Variants in ZBTB47 observed in about 807,000 individuals in gnomAD.
ZBTB47 encodes zinc finger and BTB domain-containing protein 47.
A neutral mutation model predicts 56.6 loss-of-function variants in ZBTB47; 24 were observed. The observed-to-expected ratio is 0.42, with a 90% CI of 0.31 to 0.60. The LOEUF is 0.60. Ranked by LOEUF, ZBTB47 falls within the 20% of genes least tolerant of loss-of-function variation. The pLI, the probability that ZBTB47 is intolerant of heterozygous loss-of-function variation, is 0.14. For synonymous variants in ZBTB47, 414 were observed against 418.9 expected (o/e 0.99, Z 0.14); for missense variants, 829 against 1,032.6 (o/e 0.80, Z 2.70).
chr3:42,656,398 C>T lies in ZBTB47; in HGVS notation c.-81-1877C>T, dbSNP rs865894893. Among the ~76,000 whole-genome samples the T allele has an allele frequency of 1.3e-5, 2 of 152,138 alleles. No individual in the cohort carries two copies. Among genetic ancestry groups the T allele is most frequent in the East Asian group, 3.9e-4 (2 of 5,180 alleles). On this transcript the variant is annotated intron_variant, in intron 1 of 5. Coordinates refer to ENST00000232974, the MANE Select transcript of ZBTB47 (RefSeq NM_145166.4). This position sits in a 1 kb window ranked among gnomAD's most constrained non-coding sequence, Gnocchi z 5.8. ...ACTGTGGAACCCTCTCATTCTGAGC[C>T]TCGGTTTCTCCATCTGTGTAGTAGG...
rs2125839984 is a variant in ZBTB47 at position 42,666,160 on chromosome 3, G to A, written c.*1562G>A. ...GAAGCACTTTATTCTGTACAGATTT[G>A]GGCAGGCCCAAGGTGCCCGAGTGAT... On this transcript the variant is annotated 3_prime_UTR_variant, in exon 6 of 6. Coordinates refer to ENST00000232974, the MANE Select transcript of ZBTB47 (RefSeq NM_145166.4). Among the ~76,000 whole-genome samples the A allele has an allele frequency of 6.6e-6, 1 of 152,316 alleles. No homozygotes were observed. Among genetic ancestry groups the A allele is most frequent in the East Asian group, 1.9e-4 (1 of 5,178 alleles).
rs976429197 is a variant in ZBTB47 at position 42,664,629 on chromosome 3, G to A, written c.*31G>A. The A allele has an allele frequency of 7.2e-7, 1 of 1,396,694 alleles. No individual in the cohort carries two copies. The highest frequency in any genetic ancestry group is 1.6e-5 in the South Asian group (1 of 61,874). 86.5% of individuals were successfully genotyped at this position (1,396,694 alleles called of 1,614,324 possible). A position where few individuals can be genotyped will look rare whatever the true frequency, so the allele number is the denominator to read the frequency against. On this transcript the variant is annotated 3_prime_UTR_variant, in exon 6 of 6. Coordinates refer to ENST00000232974, the MANE Select transcript of ZBTB47 (RefSeq NM_145166.4). ...GAGCTGCACCCGTGCACCCGCTGGG[G>A]CCTGGAGTCAGGGCCCACTCCAGGA...
Position 42,654,227 on chromosome 3 carries a change from A to C in ZBTB47, c.-82+344A>C, listed in dbSNP as rs1309690330. The C allele has an allele frequency of 6.7e-6, 1 of 150,096 alleles. No homozygotes were observed. Among genetic ancestry groups the C allele is most frequent in the Admixed American group, 6.6e-5 (1 of 15,174 alleles). The allele number at this position is 150,096 out of a possible 1,614,324, so 9.3% of individuals were successfully genotyped here. On this transcript the variant is annotated intron_variant, in intron 1 of 5. Transcript: ENST00000232974. This position sits in a 1 kb window ranked among gnomAD's most constrained non-coding sequence, Gnocchi z 5.0. ...TTGACTCCCGGACGAACTTCCCGGCAGAAAGGAGGCTCAGCACGGGAGGGT... is the reference window on the plus strand; with the variant it reads ...TTGACTCCCGGACGAACTTCCCGGCCGAAAGGAGGCTCAGCACGGGAGGGT...
At chr3:42,653,168 G>A (rs747143788), upstream of ZBTB47, among the ~76,000 whole-genome samples, 1 of 152,164 alleles carries the variant, frequency 6.6e-6, no homozygotes, top group Non-Finnish European at 1.5e-5. Flanking sequence ...GAGTGGGGGT[G>A]GGGGAGGAGG....
In ZBTB47 at chr3:42,659,144, C is replaced by T. The variant is rs1021406112; in HGVS notation, c.789C>T (p.Thr263=). 44 of 1,507,304 alleles carry T rather than the reference C, an allele frequency of 2.9e-5. No homozygotes were observed. The highest frequency in any genetic ancestry group is 3.4e-5 in the Non-Finnish European group (38 of 1,131,566). 93.4% of individuals were successfully genotyped at this position (1,507,304 alleles called of 1,614,324 possible). A position where few individuals can be genotyped will look rare whatever the true frequency, so the allele number is the denominator to read the frequency against. ...GKPGAGPSPA[T]VVLGREDGLQ... Reference sequence around the variant, plus strand: ...CAGGTGCCGGGCCAAGCCCAGCCACCGTGGTTCTGGGCCGGGAGGACGGGC... The same window carrying T: ...CAGGTGCCGGGCCAAGCCCAGCCACTGTGGTTCTGGGCCGGGAGGACGGGC... The change falls in exon 2 of 6, where the codon ACC becomes ACT. Residue 263 remains threonine, a synonymous_variant. Transcript: ENST00000232974.
At chr3:42,662,231 C>T (rs557035312) in intron 3 of ZBTB47, among the ~76,000 whole-genome samples, 1 of 152,312 alleles carries the variant, frequency 6.6e-6, no homozygotes, top group East Asian at 1.9e-4. Flanking sequence ...CTTCCTTGCC[C>T]GCTCCAAGTC....
rs564229347 is a variant in ZBTB47 at position 42,658,592 on chromosome 3, G to A, written c.237G>A (p.Leu79=). Residue 79 remains leucine, a synonymous_variant, in exon 2 of 6, where the codon CTG becomes CTA. Coordinates refer to ENST00000232974, the MANE Select transcript of ZBTB47 (RefSeq NM_145166.4). ...TCAACTTCATCTATACGTCCAAGCT[G>A]CTGGTCAACGCGGCCAACGTCCACG... is the stretch of plus-strand genomic sequence containing the variant. ...QILNFIYTSK[L]LVNAANVHEV... is the part of the protein sequence containing the mutation. The A allele has an allele frequency of 1.3e-6, 2 of 1,536,964 alleles. No homozygotes were observed. Among genetic ancestry groups the A allele is most frequent in the East Asian group, 2.4e-5 (1 of 40,920 alleles).
chr3:42,659,342 G>A lies in ZBTB47; in HGVS notation c.987G>A (p.Glu329=). 1 of 1,464,294 alleles carries A rather than the reference G, an allele frequency of 6.8e-7. No individual in the cohort carries two copies. The highest frequency in any genetic ancestry group is 9.2e-7 in the Non-Finnish European group (1 of 1,092,498). The allele number at this position is 1,464,294 out of a possible 1,614,324, so 90.7% of individuals were successfully genotyped here. Residue 329 remains glutamate, a synonymous_variant, in exon 2 of 6, where the codon GAG becomes GAA. Transcript: ENST00000232974. The part of the protein sequence containing the change: ...EDGHSEQEEE[E]EEEEEEGPSE... ...GGCACAGTGAGCAGGAAGAGGAAGA[G>A]GAGGAGGAAGAGGAGGAAGGGCCTA... is the stretch of plus-strand genomic sequence containing the variant.
intron 5 of ZBTB47, 77 bp from the exon 6 acceptor site, chr3:42,664,160 T>C (rs1577629792): frequency 1.9e-6 from 3 of 1,573,042 alleles, no homozygotes; most frequent in East Asian, 2.3e-5. Flanking sequence ...TATGGCTCCA[T>C]GGGAGACGGA....
At position 42,664,378 on chromosome 3, in the gene ZBTB47, T is replaced by C; in HGVS notation, c.2024T>C (p.Leu675Pro). The C allele has an allele frequency of 6.2e-7, 1 of 1,607,090 alleles. No homozygotes were observed. Among genetic ancestry groups the C allele is most frequent in the Non-Finnish European group, 8.5e-7 (1 of 1,177,226 alleles). Reference protein sequence around the residue: ...CGQRFRFSNMLKAHKEKCFRV... With the variant: ...CGQRFRFSNMPKAHKEKCFRV... ...CAGCGCTTCCGCTTCTCCAACATGC[T>C]CAAGGCCCACAAGGAGAAGTGCTTC... Residue 675 changes from leucine to proline, a missense_variant, in exon 6 of 6, where the codon CTC becomes CCC. Leu to Pro is a moderately conservative substitution (Grantham distance 98). This residue lies in a region of ZBTB47 where 115 missense variants were observed against 117.2 expected (regional missense o/e 0.98). Coordinates refer to ENST00000232974, the MANE Select transcript of ZBTB47 (RefSeq NM_145166.4).
rs1710668158 is a variant in ZBTB47, at chr3:42,658,632, G to A, written c.277G>A (p.Ala93Thr). Reference sequence around the variant, plus strand: ...CAACGTCCACGAGGTGCTCAGCGCCGCCTCATTGCTGCAGATGGCTGACAT... The same window carrying A: ...CAACGTCCACGAGGTGCTCAGCGCCACCTCATTGCTGCAGATGGCTGACAT... ...AANVHEVLSA[A>T]SLLQMADIAA... The change falls in exon 2 of 6, where the codon GCC becomes ACC. Residue 93 changes from alanine (A) to threonine (T), a missense_variant. Physicochemically the swap from Ala to Thr is moderately conservative, Grantham distance 58. Transcript: ENST00000232974. 4 of 1,536,886 alleles carry A rather than the reference G, an allele frequency of 2.6e-6. No homozygotes were observed. The highest frequency in any genetic ancestry group is 2.6e-6 in the Non-Finnish European group (3 of 1,146,924).
At position 42,656,560 on chromosome 3, in the gene ZBTB47, G is replaced by A. The variant is rs75531310; in HGVS notation, c.-81-1715G>A. 8.1e-3 allele frequency among the ~76,000 whole-genome samples: 1,232 copies of A among 152,278 alleles called. 10 individuals are homozygous for A. Among genetic ancestry groups the A allele is most frequent in the Non-Finnish European group, 0.013 (854 of 68,006 alleles). On this transcript the variant is annotated intron_variant, in intron 1 of 5. Transcript: ENST00000232974. This position sits in a 1 kb window ranked among gnomAD's most constrained non-coding sequence, Gnocchi z 5.8. ...TGGATGGCTTCTTGGCTGGGGTAAGGGGTGTAGTGGAGAACTCAAGGAAGA... is the reference window on the plus strand; with the variant it reads ...TGGATGGCTTCTTGGCTGGGGTAAGAGGTGTAGTGGAGAACTCAAGGAAGA...
rs1710670915 is a variant in ZBTB47 at position 42,658,837 on chromosome 3, A to C, written c.482A>C (p.Asp161Ala). The C allele has an allele frequency of 6.5e-7, 1 of 1,532,848 alleles. No homozygotes were observed. Among genetic ancestry groups the C allele is most frequent in the African/African-American group, 1.4e-5 (1 of 72,942 alleles). The allele number at this position is 1,532,848 out of a possible 1,614,324, so 95.0% of individuals were successfully genotyped here. A position where few individuals can be genotyped will look rare whatever the true frequency, so the allele number is the denominator to read the frequency against. Residue 161 changes from aspartate (D) to alanine (A), a missense_variant, in exon 2 of 6, where the codon GAC becomes GCC. This residue lies in a region of ZBTB47 where 359 missense variants were observed against 359.8 expected (regional missense o/e 1.00). Transcript: ENST00000232974. ...LPKIYAREGP[D>A]PYSVRVEDGA... ...AAGATCTATGCCCGCGAGGGCCCTGACCCTTACTCGGTGCGTGTTGAGGAC... is the reference window on the plus strand; with the variant it reads ...AAGATCTATGCCCGCGAGGGCCCTGCCCCTTACTCGGTGCGTGTTGAGGAC...
In ZBTB47 at chr3:42,663,785, C is replaced by T. The variant is rs1710749337; in HGVS notation, c.1738-12C>T. 6.2e-7 allele frequency: 1 copy of T among 1,612,642 alleles called. No individual in the cohort carries two copies. The highest frequency in any genetic ancestry group is 8.5e-7 in the Non-Finnish European group (1 of 1,179,014). On this transcript the variant is annotated splice_polypyrimidine_tract_variant and intron_variant, in intron 4 of 5. Coordinates refer to ENST00000232974, the MANE Select transcript of ZBTB47 (RefSeq NM_145166.4). This position sits in a 1 kb window ranked among gnomAD's most constrained non-coding sequence, Gnocchi z 5.1. ...TCTGTGCCTGGGCCTCACCCCCAAA[C>T]CCCACCCCCAGAACTGCAATGAGCG...
chr3:42,662,204 T>A (rs777674961), intron 3 of ZBTB47, among the ~76,000 whole-genome samples: 3 of 152,156 alleles, frequency 2.0e-5, no homozygotes, highest in Non-Finnish European at 2.9e-5. Context: ...CAGAGCCTCA[T>A]GTCCCTACAG....
rs1176203492 is a variant in ZBTB47 at position 42,654,168 on chromosome 3, C to T, written c.-82+285C>T. ...TTCACGGCAGCTTCCTATCCTGGCT[C>T]CCCCTCCGTGGCGCAACCGGAGGGC... On this transcript the variant is annotated intron_variant, in intron 1 of 5. Coordinates refer to ENST00000232974, the MANE Select transcript of ZBTB47 (RefSeq NM_145166.4). This position sits in a 1 kb window ranked among gnomAD's most constrained non-coding sequence, Gnocchi z 5.0. 6.6e-6 allele frequency: 1 copy of T among 152,104 alleles called. No homozygotes were observed. Among genetic ancestry groups the T allele is most frequent in the Non-Finnish European group, 1.5e-5 (1 of 68,006 alleles). The allele number at this position is 152,104 out of a possible 1,614,324, so 9.4% of individuals were successfully genotyped here. A position where few individuals can be genotyped will look rare whatever the true frequency, so the allele number is the denominator to read the frequency against.
At position 42,659,669 on chromosome 3, in the gene ZBTB47, C is replaced by T; in HGVS notation, c.1314C>T (p.Cys438=). The part of the protein sequence containing the change: ...VKLEEKQHHP[C]QKCPRVFNNR... Reference sequence around the variant, plus strand: ...TGGAGGAGAAGCAGCACCATCCATGCCAGAAGTGCCCACGAGTTTTCAACA... The same window carrying T: ...TGGAGGAGAAGCAGCACCATCCATGTCAGAAGTGCCCACGAGTTTTCAACA... The change falls in exon 2 of 6, where the codon TGC becomes TGT. Residue 438 remains cysteine (C), a synonymous_variant. Transcript: ENST00000232974. 1.2e-6 allele frequency: 2 copies of T among 1,612,580 alleles called. No homozygotes were observed. Among genetic ancestry groups the T allele is most frequent in the Non-Finnish European group, 1.7e-6 (2 of 1,179,330 alleles).
In ZBTB47 at chr3:42,664,535, GC is replaced by G; in HGVS notation, c.2186del (p.Pro729ArgfsTer15). The G allele has an allele frequency of 4.6e-6, 2 of 436,842 alleles. No individual in the cohort carries two copies. The highest frequency in any genetic ancestry group is 2.4e-5 in the South Asian group (1 of 42,064). The allele number at this position is 436,842 out of a possible 1,614,324, so 27.1% of individuals were successfully genotyped here. A position where few individuals can be genotyped will look rare whatever the true frequency, so the allele number is the denominator to read the frequency against. On this transcript the variant is annotated frameshift_variant, in exon 6 of 6. Transcript: ENST00000232974. LOFTEE classifies it low-confidence loss of function (END_TRUNC). ...CCCTGCCGCCCCCGCCCCACCTGCC[GC>G]CCCCGCCTCCGCTCTTCCCCACCAC... The part of the protein sequence containing the change: ...QTLPPPPHLP[P>X]PPPLFPTTAS...
intron 2 of ZBTB47, among the ~76,000 whole-genome samples, chr3:42,660,249 T>C (rs1710697622): frequency 6.6e-6 from 1 of 152,168 alleles, no homozygotes; most frequent in Admixed American, 6.5e-5. Context: ...GGCCACTGTG[T>C]ATAGTTTCAC....
Sources: gnomAD v4.1 joint callset for allele counts (sites outside exome capture counted in the v4.1 genomes callset) on GRCh38, gnomAD v4.1.1 for gene constraint, gnomAD v4.1.1 regional missense constraint, Gnocchi (gnomAD v3.1) non-coding constraint, MANE v1.5 for transcripts, NCBI Gene and HGNC (gene_info 2026-07-23, HGNC 2026-07-21) for gene names.